Variants in RANBP2 observed in about 807,000 individuals in gnomAD.
The protein encoded by RANBP2 is RAN binding protein 2.
A neutral mutation model predicts 303.6 loss-of-function variants in RANBP2; 57 were observed. The observed-to-expected ratio is 0.19, with a 90% CI of 0.15 to 0.23. The LOEUF (loss-of-function observed/expected upper bound fraction) is 0.23. Among genes scored for constraint, RANBP2 ranks in the 10% least tolerant of loss-of-function variants. The pLI, the probability that RANBP2 is intolerant of heterozygous loss-of-function variation, is 1.00. For synonymous variants in RANBP2, 1,167 were observed against 1,301.5 expected, an observed-to-expected ratio of 0.90 and a Z score of 2.23; for missense variants, 3,138 against 3,780.8, an observed-to-expected ratio of 0.83 and a Z score of 4.46.
At chr2:108,804,878 TC>T in the RANBP2 span, 207 of 1,502,862 alleles carry the variant, frequency 1.4e-4, no homozygotes, top group South Asian at 1.3e-3. Flanking sequence ...GTTTTTTTTT[TC>T]TCCTCCTAGC....
chr2:108,845,737 A>AT, the RANBP2 span, among the ~76,000 whole-genome samples: 1 of 151,702 alleles, frequency 6.6e-6, no homozygotes, highest in South Asian at 2.1e-4. Flanking sequence ...ACGCCTGGCT[A>AT]TTTTTTTGTA....
the RANBP2 span, among the ~76,000 whole-genome samples, chr2:109,350,094 G>A: frequency 6.6e-6 from 1 of 152,236 alleles, no homozygotes; most frequent in Non-Finnish European, 1.5e-5. Flanking sequence ...CTCCTGAGTA[G>A]TCAGTGATGG....
intron 1 of RANBP2, among the ~76,000 whole-genome samples, chr2:108,720,836 A>C (rs1158870508): frequency 6.6e-6 from 1 of 152,240 alleles, no homozygotes; most frequent in Non-Finnish European, 1.5e-5. Flanking sequence ...GCCTGAGGTC[A>C]GGAGTTCGTG....
the RANBP2 span, among the ~76,000 whole-genome samples, chr2:108,907,372 G>A: frequency 1.2e-4 from 18 of 152,258 alleles, no homozygotes; most frequent in African/African-American, 4.1e-4. Flanking sequence ...GTGGCTGGGC[G>A]TGGTAGCTCA....
the RANBP2 span, among the ~76,000 whole-genome samples, chr2:109,154,558 G>A: frequency 6.6e-6 from 1 of 152,178 alleles, no homozygotes; most frequent in Non-Finnish European, 1.5e-5. Context: ...AGTTTGAATT[G>A]GCCCTAGTTC....
chr2:109,731,340 C>T, the RANBP2 span, among the ~76,000 whole-genome samples: 3 of 152,088 alleles, frequency 2.0e-5, no homozygotes, highest in Non-Finnish European at 2.9e-5. Context: ...ATATTTGAAA[C>T]ATCTTCCAAT....
chr2:109,653,145 C>T, the RANBP2 span, among the ~76,000 whole-genome samples: 1 of 152,148 alleles, frequency 6.6e-6, no homozygotes, highest in East Asian at 1.9e-4. Flanking sequence ...GCTTGTAATC[C>T]GAGGACTTCG....
chr2:109,026,557 A>G, the RANBP2 span, among the ~76,000 whole-genome samples: 1 of 152,146 alleles, frequency 6.6e-6, no homozygotes, highest in Non-Finnish European at 1.5e-5. Context: ...ATGAGCTCCC[A>G]GCTCTAAGGT....
the RANBP2 span, chr2:109,593,121 T>TA: frequency 1.9e-6 from 3 of 1,590,772 alleles, no homozygotes; most frequent in East Asian, 2.3e-5. Context: ...CTGAAAGAGC[T>TA]AAAAAAGGAA....
the RANBP2 span, among the ~76,000 whole-genome samples, chr2:109,750,797 C>A: frequency 1.7e-5 from 1 of 57,990 alleles, no homozygotes. Flanking sequence ...GATCTCGTCT[C>A]ACTGCAACCT....
the RANBP2 span, among the ~76,000 whole-genome samples, chr2:109,243,382 G>A: frequency 6.6e-6 from 1 of 152,212 alleles, no homozygotes; most frequent in East Asian, 1.9e-4. Flanking sequence ...TATTCCCGGG[G>A]CACATGCTGG....
chr2:109,794,613 G>C, the RANBP2 span: 9 of 314,766 alleles, frequency 2.9e-5, no homozygotes, highest in Non-Finnish European at 3.8e-5. Flanking sequence ...GGCGGCGGGG[G>C]GGGCGGCGGC....
chr2:108,897,075 G>A, the RANBP2 span: 1,191 of 1,614,154 alleles, frequency 7.4e-4, 11 homozygotes, highest in African/African-American at 0.014. Context: ...GTTGCATGCC[G>A]TCTGTCATGC....
the RANBP2 span, among the ~76,000 whole-genome samples, chr2:108,843,022 G>A: frequency 1.3e-5 from 2 of 152,172 alleles, no homozygotes; most frequent in African/African-American, 4.8e-5. Flanking sequence ...CTCAAGAAGA[G>A]AAGGAAAGTT....
the RANBP2 span, among the ~76,000 whole-genome samples, chr2:109,584,032 T>C: frequency 2.0e-5 from 3 of 152,302 alleles, no homozygotes; most frequent in South Asian, 2.1e-4. Flanking sequence ...AAACTAACTA[T>C]TGGTACTATG....
the RANBP2 span, among the ~76,000 whole-genome samples, chr2:108,916,055 T>C: frequency 6.6e-6 from 1 of 152,136 alleles, no homozygotes; most frequent in African/African-American, 2.4e-5. Flanking sequence ...TAAGGAGGCT[T>C]CAGATTGTGT....
chr2:109,737,139 A>C, the RANBP2 span: 1 of 1,025,812 alleles, frequency 9.7e-7, no homozygotes, highest in Non-Finnish European at 1.4e-6. Flanking sequence ...ACGAAATTTA[A>C]TCCTCGTCTT....
chr2:108,990,359 AAGCGG>A, the RANBP2 span, among the ~76,000 whole-genome samples: 84 of 149,238 alleles, frequency 5.6e-4, no homozygotes, highest in Non-Finnish European at 1.1e-3. Context: ...TGAACCCGGG[AAGCGG>A]AGCTTGCAGT....
the RANBP2 span, chr2:109,594,914 G>C: frequency 6.6e-6 from 1 of 151,480 alleles, no homozygotes; most frequent in African/African-American, 2.4e-5. Flanking sequence ...TTGAGACAGA[G>C]TCTCACTCCG....
Sources: allele counts gnomAD v4.1 joint callset (sites outside exome capture counted in the v4.1 genomes callset), GRCh38; gene constraint gnomAD v4.1.1; transcripts MANE v1.5; gene names NCBI Gene and HGNC (gene_info 2026-07-23, HGNC 2026-07-21).